Variants in CAPN14 observed in about 807,000 individuals in gnomAD.
CAPN14 encodes the protein calpain 14.
A neutral mutation model predicts 101.3 loss-of-function variants in CAPN14; 94 were observed. That is an observed-to-expected ratio of 0.93 (90% CI 0.79 to 1.10). The LOEUF is 1.10. Ranked by LOEUF, CAPN14 falls within the 50% of genes least tolerant of loss-of-function variation. CAPN14 has a pLI of 0.00. For missense variants in CAPN14, 837 were observed against 828.4 expected (o/e 1.01, Z -0.13); for synonymous variants, 338 against 317.9 (o/e 1.06, Z -0.67).
chr2:31,221,870 A>G (rs778033725), upstream of CAPN14, among the ~76,000 whole-genome samples: 1 of 152,236 alleles, frequency 6.6e-6, no homozygotes, highest in Non-Finnish European at 1.5e-5. Flanking sequence ...TGAAGTCAGC[A>G]GCACCCCAGC....
chr2:31,228,870 T>A (rs76072152), intron 1 of CAPN14, among the ~76,000 whole-genome samples: 3,811 of 152,226 alleles, frequency 0.025, 62 homozygotes, highest in Non-Finnish European at 0.038. Context: ...ACACCAGGAC[T>A]CCATCTACTG....
chr2:31,178,816 A>ATGATGGAGG (rs1680442440), intron 17 of CAPN14, among the ~76,000 whole-genome samples: 2 of 152,196 alleles, frequency 1.3e-5, no homozygotes, highest in South Asian at 4.2e-4. Flanking sequence ...AGAAGCGATG[A>ATGATGGAGG]TGATGGAGGT....
In CAPN14 at chr2:31,176,608, C is replaced by A; in HGVS notation, c.2007G>T (p.Gly669=). The A allele has an allele frequency of 1.3e-6, 2 of 1,551,704 alleles. No individual in the cohort carries two copies. ...TTACCTCTGGCTTCTGGAGGTATATCCCTTTGCCATCTTGGGTTAAGTTTT... is the reference window on the plus strand; with the variant it reads ...TTACCTCTGGCTTCTGGAGGTATATACCTTTGCCATCTTGGGTTAAGTTTT... The part of the protein sequence containing the change: ...VFQNLTQDGK[G]IYLQKPEWMM... The change falls in exon 21 of 22, where the codon GGG becomes GGT. Residue 669 remains glycine (G), a synonymous_variant. Transcript: ENST00000403897.
chr2:31,205,253 C>T lies in CAPN14; in HGVS notation c.195G>A (p.Leu65=). The T allele has an allele frequency of 1.9e-6, 3 of 1,549,790 alleles. No individual in the cohort carries two copies. Among genetic ancestry groups the T allele is most frequent in the Non-Finnish European group, 2.6e-6 (3 of 1,146,956 alleles). Residue 65 remains leucine, a synonymous_variant, in exon 2 of 22, where the codon CTG becomes CTA. Transcript: ENST00000403897. The part of the protein sequence containing the change: ...SIGSGSLLQK[L]PPRLQWKRPP... ...GCCTCTTCCACTGCAGGCGGGGTGG[C>T]AGCTTCTGCAGCAGGGAGCCACTGC...
intron 2 of CAPN14, among the ~76,000 whole-genome samples, chr2:31,224,620 A>C (rs1682966887): frequency 6.6e-6 from 1 of 152,086 alleles, no homozygotes. Flanking sequence ...AAAGAAAAGC[A>C]CTGGTTGATA....
At position 31,203,101 on chromosome 2, in the gene CAPN14, G is replaced by A; in HGVS notation, c.264C>T (p.Ala88=). The change falls in exon 3 of 22, where the codon GCC becomes GCT. Residue 88 remains alanine (A), a synonymous_variant. Transcript: ENST00000403897. Reference sequence around the variant, plus strand: ...TCCCCTGGCACAGATCCAGCCTTTTGGCCTTGGCAAAATAAAACTGGGGAT... The same window carrying A: ...TCCCCTGGCACAGATCCAGCCTTTTAGCCTTGGCAAAATAAAACTGGGGAT... ...HSNPQFYFAK[A]KRLDLCQGIV... is the part of the protein sequence containing the mutation. 2 of 1,551,628 alleles carry A rather than the reference G, an allele frequency of 1.3e-6. No individual in the cohort carries two copies. Among genetic ancestry groups the A allele is most frequent in the Middle Eastern group, 1.7e-4 (1 of 5,988 alleles).
intron 18 of CAPN14, 44 bp downstream of exon 18, chr2:31,178,467 C>A: frequency 6.9e-7 from 1 of 1,446,208 alleles, no homozygotes; most frequent in South Asian, 1.2e-5. Flanking sequence ...AACTGCCATT[C>A]CTACACCATC....
In CAPN14 at chr2:31,187,745, C is replaced by A; in HGVS notation, c.1587+13G>T. 1 of 1,550,462 alleles carries A rather than the reference C, an allele frequency of 6.4e-7. No individual in the cohort carries two copies. ...TGCTCTTCCTCACCCCCCACCACACCTGTTCAACTAACCTTTTCAAAGAAT... is the reference window on the plus strand; with the variant it reads ...TGCTCTTCCTCACCCCCCACCACACATGTTCAACTAACCTTTTCAAAGAAT... On this transcript the variant is annotated intron_variant, in intron 15 of 21. Transcript: ENST00000403897.
chr2:31,179,067 T>TA (rs1167535783), intron 17 of CAPN14, among the ~76,000 whole-genome samples: 2 of 126,222 alleles, frequency 1.6e-5, no homozygotes, highest in Non-Finnish European at 3.2e-5. Context: ...GTTCTATATA[T>TA]ATATATATAT....
chr2:31,189,307 C>A lies in CAPN14; in HGVS notation c.1459G>T (p.Val487Phe). The change falls in exon 13 of 22, where the codon GTC (valine) becomes TTC (phenylalanine). Residue 487 changes from valine (V) to phenylalanine (F), a missense_variant. Coordinates refer to ENST00000403897, the MANE Select transcript of CAPN14 (RefSeq NM_001145122.2). ...ILEAHQKSEF[V>F]LRVFSRKHIF... The stretch of plus-strand genomic sequence containing the variant: ...TGCTTCCTGGAGAAGACCCTGAGGA[C>A]GAACTCTGACTTCTGGTGGGCCTCC... 3 of 1,551,588 alleles carry A rather than the reference C, an allele frequency of 1.9e-6. No homozygotes were observed. Among genetic ancestry groups the A allele is most frequent in the South Asian group, 2.4e-5 (2 of 84,048 alleles).
chr2:31,189,768 C>A (rs562496328), intron 12 of CAPN14: 7 of 510,098 alleles, frequency 1.4e-5, no homozygotes, highest in South Asian at 1.1e-4. Flanking sequence ...TGTCCCTGTG[C>A]CTTCCATTTT....
At position 31,193,211 on chromosome 2, in the gene CAPN14, G is replaced by A; in HGVS notation, c.1034C>T (p.Ala345Val). Residue 345 changes from alanine to valine, a missense_variant, in exon 10 of 22, where the codon GCC (alanine) becomes GTC (valine). Ala to Val is a moderately conservative substitution (Grantham distance 64). Transcript: ENST00000403897. ...CCGCATGGTGTACGTCCACTTCTGGGCCGCCTCCTGGCTCAACAGGCCTGG... is the reference window on the plus strand; with the variant it reads ...CCGCATGGTGTACGTCCACTTCTGGACCGCCTCCTGGCTCAACAGGCCTGG... ...LTPGLLSQEA[A>V]QKWTYTMREG... is the part of the protein sequence containing the mutation. 1 of 1,551,648 alleles carries A rather than the reference G, an allele frequency of 6.4e-7. No individual in the cohort carries two copies. Among genetic ancestry groups the A allele is most frequent in the Non-Finnish European group, 8.7e-7 (1 of 1,147,016 alleles).
chr2:31,191,742 A>G (rs1681190702), intron 11 of CAPN14, among the ~76,000 whole-genome samples, 193 bp downstream of exon 11: 1 of 152,270 alleles, frequency 6.6e-6, no homozygotes, highest in Non-Finnish European at 1.5e-5. Context: ...ATATCATTGT[A>G]GAAACTGATG....
Position 31,177,831 on chromosome 2 carries a change from A to G in CAPN14, c.1780-10T>C. On this transcript the variant is annotated splice_polypyrimidine_tract_variant and intron_variant, in intron 18 of 21. Coordinates refer to ENST00000403897, the MANE Select transcript of CAPN14 (RefSeq NM_001145122.2). ...GCTTGTGGAAAACCTTCTGCAAAGA[A>G]CCAAATAAGAGGTTCAGGAAGCCAG... The G allele has an allele frequency of 6.5e-7, 1 of 1,550,312 alleles. No individual in the cohort carries two copies. The highest frequency in any genetic ancestry group is 8.7e-7 in the Non-Finnish European group (1 of 1,145,630).
chr2:31,203,308 T>C (rs139153257), intron 2 of CAPN14, among the ~76,000 whole-genome samples, 169 bp from the exon 3 acceptor site: 115 of 152,310 alleles, frequency 7.6e-4, no homozygotes, highest in African/African-American at 2.7e-3. Context: ...ATTCTGTCCT[T>C]TGTATTTCTC....
chr2:31,220,898 G>A (rs1682843796), upstream of CAPN14, among the ~76,000 whole-genome samples: 1 of 152,170 alleles, frequency 6.6e-6, no homozygotes, highest in South Asian at 2.1e-4. Context: ...GAAGGGCTTT[G>A]ATTTGTGAGT....
chr2:31,188,488 C>T, intron 13 of CAPN14, 134 bp from the exon 14 acceptor site: 1 of 725,638 alleles, frequency 1.4e-6, no homozygotes, highest in Non-Finnish European at 2.4e-6. Context: ...AGCTCTCACA[C>T]CTCACCTCCT....
intron 13 of CAPN14, 91 bp from the exon 14 acceptor site, chr2:31,188,445 G>T (rs566616119): frequency 1.7e-6 from 2 of 1,158,838 alleles, no homozygotes; most frequent in South Asian, 2.6e-5. Context: ...CGTCTTCCAC[G>T]TTCCTTCACT....
At position 31,192,018 on chromosome 2, in the gene CAPN14, C is replaced by A; in HGVS notation, c.1195G>T (p.Val399Leu). The stretch of plus-strand genomic sequence containing the variant: ...GGCTTCTGGAGCAGGGACACCAGCA[C>A]GCTGCAGGGCCTCAGGGATCTCCTG... Reference protein sequence around the residue: ...EGRRSLRPCSVLVSLLQKPRH... With the variant: ...EGRRSLRPCSLLVSLLQKPRH... The change falls in exon 11 of 22, where the codon GTG (valine) becomes TTG (leucine). Residue 399 changes from valine to leucine, a missense_variant. Physicochemically the swap from Val to Leu is conservative, Grantham distance 32 (BLOSUM62 1). Transcript: ENST00000403897. The A allele has an allele frequency of 6.4e-7, 1 of 1,551,612 alleles. No homozygotes were observed. The highest frequency in any genetic ancestry group is 8.7e-7 in the Non-Finnish European group (1 of 1,146,958).
Sources: gnomAD v4.1 joint callset for allele counts (sites outside exome capture counted in the v4.1 genomes callset) on GRCh38, gnomAD v4.1.1 for gene constraint, MANE v1.5 for transcripts, NCBI Gene and HGNC (gene_info 2026-07-23, HGNC 2026-07-21) for gene names.